RGL4: variants seen among roughly 807,000 people sequenced by gnomAD.
RGL4 encodes ral-GDS-related protein.
In RGL4, 41 loss-of-function variants were observed where a neutral mutation model predicts 49.6. The ratio of observed to expected loss-of-function variants is 0.83; its 90% confidence interval spans 0.64 to 1.07. The LOEUF (loss-of-function observed/expected upper bound fraction) is 1.07, where lower values mean the gene tolerates loss of function less well. RGL4 is among the 50% of genes least tolerant of loss of function. The probability of loss-of-function intolerance (pLI) is 0.00; values close to 1 mark genes in which losing one functional copy is unlikely to be tolerated. For missense variants in RGL4, 610 were observed against 591.9 expected (o/e 1.03, Z -0.32); for synonymous variants, 255 against 238.0 (o/e 1.07, Z -0.66).
chr22:23,693,261 G>T, intron 3 of RGL4: 1 of 561,210 alleles, frequency 1.8e-6, no homozygotes, highest in East Asian at 3.3e-5. Flanking sequence ...GCTCACTGTG[G>T]GGCAGGCAGG....
At position 23,698,018 on chromosome 22, in the gene RGL4, G is replaced by C; in HGVS notation, c.1260+157G>C. ...AGGGGACCTATCCCAGGAGAAAATG[G>C]GAAAAGCACTGGAATCAAAGACCAA... On this transcript the variant is annotated intron_variant, in intron 9 of 10. Transcript: ENST00000290691. The C allele has an allele frequency of 2.5e-6, 3 of 1,179,860 alleles. No homozygotes were observed. In the Admixed American group the frequency reaches 6.2e-5, roughly 24 times the overall value. The allele number at this position is 1,179,860 out of a possible 1,614,324, so 73.1% of individuals were successfully genotyped here. A position where few individuals can be genotyped will look rare whatever the true frequency, so the allele number is the denominator to read the frequency against.
chr22:23,698,561 T>A, intron 10 of RGL4: 1 of 720,452 alleles, frequency 1.4e-6, no homozygotes, highest in Non-Finnish European at 2.5e-6. Context: ...ACAGATGGGG[T>A]TTCACGATGA....
intron 3 of RGL4, 83 bp from the exon 4 acceptor site, chr22:23,693,674 CTG>C: frequency 9.1e-7 from 1 of 1,098,614 alleles, no homozygotes; most frequent in Non-Finnish European, 1.4e-6. Flanking sequence ...CCGTGGATGA[CTG>C]TGAGCTCAGT....
chr22:23,695,385 T>A, intron 6 of RGL4: 1 of 496,298 alleles, frequency 2.0e-6, no homozygotes, highest in Non-Finnish European at 3.8e-6. Context: ...TCATGGTAGG[T>A]GGGACTTCCT....
At chr22:23,694,648 C>A in intron 5 of RGL4, 198 bp downstream of exon 5, 1 of 602,820 alleles carries the variant, frequency 1.7e-6, no homozygotes, top group Non-Finnish European at 3.0e-6. Flanking sequence ...GTTTTTTAAC[C>A]ATCAGGAACA....
At position 23,691,783 on chromosome 22, in the gene RGL4, A is replaced by G. The variant is rs958247901; in HGVS notation, c.-248A>G. ...AGAGACTAAAGGAGCTCTGGGGCTC[A>G]TACTTCTTATAATTCCCACGAGAAG... On this transcript the variant is annotated 5_prime_UTR_variant, in exon 1 of 11. Transcript: ENST00000290691. 2 of 458,668 alleles carry G rather than the reference A, an allele frequency of 4.4e-6. No individual in the cohort carries two copies. The highest frequency in any genetic ancestry group is 3.9e-5 in the African/African-American group (2 of 51,792). 28.4% of individuals were successfully genotyped at this position (458,668 alleles called of 1,614,324 possible). A position where few individuals can be genotyped will look rare whatever the true frequency, so the allele number is the denominator to read the frequency against.
rs547706376 is a variant in RGL4 at position 23,693,655 on chromosome 22, T to C, written c.697-104T>C. 9 of 930,062 alleles carry C rather than the reference T, an allele frequency of 9.7e-6. No homozygotes were observed. The African/African-American group carries it at 1.3e-4, about 14-fold the overall frequency. The allele number at this position is 930,062 out of a possible 1,614,324, so 57.6% of individuals were successfully genotyped here. On this transcript the variant is annotated intron_variant, in intron 3 of 10. Transcript: ENST00000290691. The stretch of plus-strand genomic sequence containing the variant: ...GCTTTCTGAGCTCCAGCTTGGTTCC[T>C]GCCAGAGACCGTGGATGACTGTGAG...
In RGL4 at chr22:23,697,183, T is replaced by C. The variant is rs370689809; in HGVS notation, c.1174T>C (p.Phe392Leu). 1.2e-6 allele frequency: 2 copies of C among 1,609,106 alleles called. No individual in the cohort carries two copies. The highest frequency in any genetic ancestry group is 2.2e-5 in the East Asian group (1 of 44,672). Residue 392 changes from phenylalanine to leucine, a missense_variant, in exon 8 of 11, where the codon TTC (phenylalanine) becomes CTC (leucine). Coordinates refer to ENST00000290691, the MANE Select transcript of RGL4 (RefSeq NM_153615.2). ...LRRQKKGVVP[F>L]LGDFLTELQR... is the part of the protein sequence containing the mutation. ...CTCCTTGGCACAGGGTGTGGTCCCC[T>C]TCCTGGGGGATTTTCTGACTGAGTT... is the stretch of plus-strand genomic sequence containing the variant.
intron 6 of RGL4, 181 bp from the exon 7 acceptor site, chr22:23,696,433 C>G (rs1416754833): frequency 1.3e-6 from 2 of 1,536,258 alleles, no homozygotes; most frequent in African/African-American, 2.8e-5. Flanking sequence ...AGGAAACAGT[C>G]TCAGGGAGGC....
Position 23,692,488 on chromosome 22 carries a change from C to A in RGL4, c.333C>A (p.Gly111=). The change falls in exon 2 of 11, where the codon GGC becomes GGA. Residue 111 remains glycine (G), a synonymous_variant. Coordinates refer to ENST00000290691, the MANE Select transcript of RGL4 (RefSeq NM_153615.2). The part of the protein sequence containing the change: ...GLEDHQEIVL[G]QLVLPEPNEA... ...AGGACCATCAGGAAATTGTCCTAGGCCAGTTGGTGCTTCCGGAGCCCAACG... is the reference window on the plus strand; with the variant it reads ...AGGACCATCAGGAAATTGTCCTAGGACAGTTGGTGCTTCCGGAGCCCAACG... 2 of 1,614,156 alleles carry A rather than the reference C, an allele frequency of 1.2e-6. No individual in the cohort carries two copies. Among genetic ancestry groups the A allele is most frequent in the South Asian group, 1.1e-5 (1 of 91,092 alleles).
At chr22:23,695,464 T>G (rs1923430421) in intron 6 of RGL4, 3 of 607,688 alleles carry the variant, frequency 4.9e-6, no homozygotes, top group South Asian at 4.6e-5. Flanking sequence ...CTGCTGCTGC[T>G]GCTGCTGCTG....
chr22:23,694,556 A>G (rs1477992412), intron 5 of RGL4, 106 bp downstream of exon 5: 10 of 799,086 alleles, frequency 1.3e-5, no homozygotes, highest in African/African-American at 5.1e-5. Flanking sequence ...GTCCAGGGAC[A>G]CTGGAGGCAG....
intron 8 of RGL4, among the ~76,000 whole-genome samples, 160 bp downstream of exon 8, chr22:23,697,405 C>A (rs892837496): frequency 6.6e-6 from 1 of 152,198 alleles, no homozygotes; most frequent in Non-Finnish European, 1.5e-5. Flanking sequence ...CATCTCATCA[C>A]CTCTGAGTGA....
Position 23,699,119 on chromosome 22 carries a change from A to G in RGL4, c.*236A>G. 1 of 1,493,344 alleles carries G rather than the reference A, an allele frequency of 6.7e-7. No individual in the cohort carries two copies. Among genetic ancestry groups the G allele is most frequent in the Non-Finnish European group, 8.9e-7 (1 of 1,125,982 alleles). The allele number at this position is 1,493,344 out of a possible 1,614,324, so 92.5% of individuals were successfully genotyped here. The stretch of plus-strand genomic sequence containing the variant: ...TTTATGTTTATTTTCTTTAGTGTAT[A>G]AGTAAGGGTTTTTTCTTAACTTTCG... On this transcript the variant is annotated 3_prime_UTR_variant, in exon 11 of 11. Coordinates refer to ENST00000290691, the MANE Select transcript of RGL4 (RefSeq NM_153615.2).
rs1569122133 is a variant in RGL4 at position 23,699,126 on chromosome 22, G to C, written c.*243G>C. On this transcript the variant is annotated 3_prime_UTR_variant, in exon 11 of 11. Coordinates refer to ENST00000290691, the MANE Select transcript of RGL4 (RefSeq NM_153615.2). Reference sequence around the variant, plus strand: ...TTATTTTCTTTAGTGTATAAGTAAGGGTTTTTTCTTAACTTTCGTTAAAAT... The same window carrying C: ...TTATTTTCTTTAGTGTATAAGTAAGCGTTTTTTCTTAACTTTCGTTAAAAT... The C allele has an allele frequency of 7.4e-6, 11 of 1,477,626 alleles. No homozygotes were observed. Among genetic ancestry groups the C allele is most frequent in the Non-Finnish European group, 9.8e-6 (11 of 1,118,748 alleles). The allele number at this position is 1,477,626 out of a possible 1,614,324, so 91.5% of individuals were successfully genotyped here. A position where few individuals can be genotyped will look rare whatever the true frequency, so the allele number is the denominator to read the frequency against.
chr22:23,693,462 G>C (rs1923274896), intron 3 of RGL4, among the ~76,000 whole-genome samples: 1 of 152,210 alleles, frequency 6.6e-6, no homozygotes, highest in Admixed American at 6.5e-5. Flanking sequence ...GAGGCCTCAG[G>C]ATGGGCAGGC....
chr22:23,698,408 C>T (rs773913683), intron 10 of RGL4, 75 bp downstream of exon 10: 10 of 1,522,554 alleles, frequency 6.6e-6, no homozygotes, highest in African/African-American at 4.1e-5. Flanking sequence ...CTGGCTCTGT[C>T]GCCCAGGCTG....
intron 10 of RGL4, chr22:23,698,576 C>A (rs1190217332): frequency 8.3e-6 from 6 of 720,252 alleles, no homozygotes; most frequent in South Asian, 6.0e-5. Context: ...CGATGATGTC[C>A]AGGATCGTCT....
Position 23,699,126 on chromosome 22 carries a change from G to A in RGL4, c.*243G>A. The A allele has an allele frequency of 6.8e-7, 1 of 1,477,626 alleles. No homozygotes were observed. The highest frequency in any genetic ancestry group is 8.9e-7 in the Non-Finnish European group (1 of 1,118,748). 91.5% of individuals were successfully genotyped at this position (1,477,626 alleles called of 1,614,324 possible). A position where few individuals can be genotyped will look rare whatever the true frequency, so the allele number is the denominator to read the frequency against. On this transcript the variant is annotated 3_prime_UTR_variant, in exon 11 of 11. Coordinates refer to ENST00000290691, the MANE Select transcript of RGL4 (RefSeq NM_153615.2). ...TTATTTTCTTTAGTGTATAAGTAAG[G>A]GTTTTTTCTTAACTTTCGTTAAAAT...
Sources: allele counts gnomAD v4.1 joint callset (sites outside exome capture counted in the v4.1 genomes callset), GRCh38; gene constraint gnomAD v4.1.1; transcripts MANE v1.5; gene names NCBI Gene and HGNC (gene_info 2026-07-23, HGNC 2026-07-21).